PAK1: variants seen among roughly 807,000 people sequenced by gnomAD.
PAK1 encodes the protein serine/threonine-protein kinase PAK 1.
A neutral mutation model predicts 67.4 loss-of-function variants in PAK1; 29 were observed. That is an observed-to-expected ratio of 0.43 (90% CI 0.32 to 0.59). The LOEUF is 0.59. PAK1 is among the 20% of genes least tolerant of loss of function. PAK1 has a pLI of 0.07. For missense variants in PAK1, 337 were observed against 670.7 expected (o/e 0.50, Z 5.50); for synonymous variants, 223 against 237.4 (o/e 0.94, Z 0.56).
rs554885216 is a variant in PAK1, at chr11:77,322,615, T to C, written c.*659A>G. ...ATGCAGGGAATCAAAAGCTGCTACA[T>C]AGCCGAGAGCATTTCACAAGAAACA... is the stretch of plus-strand genomic sequence containing the variant. On this transcript the variant is annotated 3_prime_UTR_variant, in exon 15 of 15. Transcript: ENST00000356341. The C allele has an allele frequency of 4.7e-6, 1 of 213,074 alleles. No individual in the cohort carries two copies. Among genetic ancestry groups the C allele is most frequent in the East Asian group, 7.5e-5 (1 of 13,388 alleles). The allele number at this position is 213,074 out of a possible 1,614,324, so 13.2% of individuals were successfully genotyped here. A position where few individuals can be genotyped will look rare whatever the true frequency, so the allele number is the denominator to read the frequency against.
chr11:77,494,687 A>G, the PAK1 span, among the ~76,000 whole-genome samples: 1 of 152,144 alleles, frequency 6.6e-6, no homozygotes, highest in East Asian at 1.9e-4. Flanking sequence ...AAAATGATAC[A>G]GACACCATGG....
intron 1 of PAK1, among the ~76,000 whole-genome samples, chr11:77,393,275 T>TA (rs34684010): frequency 0.23 from 29,629 of 131,610 alleles, 3,909 homozygotes; most frequent in South Asian, 0.44. Context: ...CCTTGTTCTT[T>TA]AAAAAAAAAA....
In PAK1 at chr11:77,332,885, G is replaced by C; in HGVS notation, c.1414-18C>G. On this transcript the variant is annotated intron_variant, in intron 13 of 14. Coordinates refer to ENST00000356341, the MANE Select transcript of PAK1 (RefSeq NM_002576.5). ...TACAAGGCCTGGCAATAAAAATGGT[G>C]AATCACCTTGAGCTCCAAATGAGGC... 1 of 1,611,906 alleles carries C rather than the reference G, an allele frequency of 6.2e-7. No individual in the cohort carries two copies. The highest frequency in any genetic ancestry group is 8.5e-7 in the Non-Finnish European group (1 of 1,178,114).
chr11:77,396,772 C>A (rs1951883432), intron 1 of PAK1, among the ~76,000 whole-genome samples: 1 of 151,276 alleles, frequency 6.6e-6, no homozygotes, highest in African/African-American at 2.5e-5. Context: ...TAATCACTTC[C>A]TTCTGAACTT....
At chr11:77,374,933 G>C (rs1348810363) in intron 4 of PAK1, among the ~76,000 whole-genome samples, 1 of 152,196 alleles carries the variant, frequency 6.6e-6, no homozygotes, top group Non-Finnish European at 1.5e-5. Context: ...TGCAGGACTG[G>C]AAGTTGCTCT....
the PAK1 span, among the ~76,000 whole-genome samples, chr11:77,498,223 TA>T: frequency 6.6e-6 from 1 of 152,220 alleles, no homozygotes; most frequent in African/African-American, 2.4e-5. Context: ...ATGTTAACAT[TA>T]GGGGGAGCTG....
chr11:77,399,016 A>G (rs980940894), intron 1 of PAK1, among the ~76,000 whole-genome samples: 4 of 152,254 alleles, frequency 2.6e-5, no homozygotes, highest in Admixed American at 6.5e-5. Flanking sequence ...AACACAGAAT[A>G]TGTAAGCAAA....
intron 14 of PAK1, among the ~76,000 whole-genome samples, chr11:77,332,242 AG>A (rs1322317062): frequency 7.3e-6 from 1 of 137,512 alleles, no homozygotes; most frequent in Non-Finnish European, 1.6e-5. Flanking sequence ...AACCCAGGAG[AG>A]GAAGACTGCA....
At chr11:77,372,272 C>A (rs966322609) in intron 5 of PAK1, among the ~76,000 whole-genome samples, 1 of 152,160 alleles carries the variant, frequency 6.6e-6, no homozygotes. Flanking sequence ...TCTTTCCCAT[C>A]TTTTAATCAC....
At chr11:77,339,826 A>AT (rs550020225) in intron 11 of PAK1, among the ~76,000 whole-genome samples, 7,165 of 144,052 alleles carry the variant, frequency 0.05, 519 homozygotes, top group African/African-American at 0.16. Context: ...TGGTTTTGGT[A>AT]TTTTTTTTTT....
rs112129246 is a variant in PAK1, at chr11:77,415,617, A to T, written c.-21-23076T>A. On this transcript the variant is annotated intron_variant, in intron 1 of 14. Coordinates refer to ENST00000356341, the MANE Select transcript of PAK1 (RefSeq NM_002576.5). ...CAGTAAAAATACGCCATAAAAGATT[A>T]AAAAAAAAACAGTACATATGTAAAG... Among the ~76,000 whole-genome samples the T allele has an allele frequency of 8.9e-3, 1,324 of 149,106 alleles. 18 individuals are homozygous for T. Among genetic ancestry groups the T allele is most frequent in the Middle Eastern group, 0.034 (10 of 292 alleles).
chr11:77,391,301 T>G (rs116613178), intron 2 of PAK1, among the ~76,000 whole-genome samples: 448 of 152,342 alleles, frequency 2.9e-3, no homozygotes, highest in African/African-American at 0.01. Context: ...GACAGAGAAC[T>G]AACATTCAAA....
intron 1 of PAK1, among the ~76,000 whole-genome samples, chr11:77,452,986 A>G (rs574788346): frequency 6.6e-6 from 1 of 152,374 alleles, no homozygotes; most frequent in Non-Finnish European, 1.5e-5. Context: ...CTAGTATTAC[A>G]GAACAAAAAA....
the PAK1 span, among the ~76,000 whole-genome samples, chr11:77,516,391 C>T: frequency 2.1e-4 from 32 of 152,290 alleles, no homozygotes; most frequent in Admixed American, 6.5e-4. Flanking sequence ...GCTCTCTGTG[C>T]TTCATTTTCC....
intron 2 of PAK1, among the ~76,000 whole-genome samples, chr11:77,387,002 G>A (rs1465062281): frequency 2.6e-5 from 4 of 151,858 alleles, no homozygotes; most frequent in African/African-American, 9.7e-5. Context: ...TTGAGCTCCT[G>A]GCCTCAAGTG....
intron 1 of PAK1, among the ~76,000 whole-genome samples, chr11:77,450,326 A>G (rs1956801187): frequency 6.6e-6 from 1 of 151,894 alleles, no homozygotes; most frequent in African/African-American, 2.4e-5. Context: ...ACTCTTGTGC[A>G]TTAAAGCCAC....
At chr11:77,467,091 A>C (rs1957633798) in intron 1 of PAK1, among the ~76,000 whole-genome samples, 1 of 152,128 alleles carries the variant, frequency 6.6e-6, no homozygotes, top group Non-Finnish European at 1.5e-5. Flanking sequence ...CTCCCCAAAC[A>C]GGCTCTCAAA....
At chr11:77,442,212 C>G (rs1169919936) in intron 1 of PAK1, among the ~76,000 whole-genome samples, 5 of 152,160 alleles carry the variant, frequency 3.3e-5, no homozygotes, top group Non-Finnish European at 5.9e-5. Flanking sequence ...TTGGAGGTAG[C>G]CAGCCTCTAA....
chr11:77,428,611 C>A (rs1339095091), intron 1 of PAK1, among the ~76,000 whole-genome samples: 33 of 150,286 alleles, frequency 2.2e-4, no homozygotes, highest in Admixed American at 2.2e-3. Flanking sequence ...ATGATGAGGG[C>A]AGCCCAACAC....
Sources: allele counts gnomAD v4.1 joint callset (sites outside exome capture counted in the v4.1 genomes callset), GRCh38; gene constraint gnomAD v4.1.1; transcripts MANE v1.5; gene names NCBI Gene and HGNC (gene_info 2026-07-23, HGNC 2026-07-21).